Variants in RNF17 observed in about 807,000 individuals in gnomAD.
RNF17 encodes the protein ring finger protein 17.
RNF17 carries 31 observed loss-of-function variants against 200.5 expected under a neutral mutation model. The observed-to-expected ratio is 0.15, with a 90% CI of 0.12 to 0.21. RNF17 has a LOEUF of 0.21. Ranked by LOEUF, RNF17 falls within the 10% of genes least tolerant of loss-of-function variation. The pLI, the probability that RNF17 is intolerant of heterozygous loss-of-function variation, is 1.00. For synonymous variants in RNF17, 606 were observed against 637.8 expected, an observed-to-expected ratio of 0.95 and a Z score of 0.75; for missense variants, 1,628 against 1,905.1, an observed-to-expected ratio of 0.85 and a Z score of 2.71.
intron 22 of RNF17, among the ~76,000 whole-genome samples, chr13:24,848,281 T>G (rs73467253): frequency 0.02 from 3,065 of 150,952 alleles, 104 homozygotes; most frequent in African/African-American, 0.072. Flanking sequence ...AGAAATCCCT[T>G]TTAATAGATT....
At chr13:24,851,391 C>T (rs1891876052) in intron 23 of RNF17, 65 bp from the exon 24 acceptor site, 2 of 1,070,632 alleles carry the variant, frequency 1.9e-6, no homozygotes, top group African/African-American at 1.6e-5. Flanking sequence ...CTGTGAAATG[C>T]ACATTGTTTA....
At chr13:24,850,617 AT>A (rs1278143989) in intron 23 of RNF17, among the ~76,000 whole-genome samples, 174 bp downstream of exon 23, 4 of 152,212 alleles carry the variant, frequency 2.6e-5, no homozygotes, top group Non-Finnish European at 5.9e-5. Flanking sequence ...CTTCAAAAAT[AT>A]TCTTTGCTTT....
chr13:24,776,801 T>C (rs1881632578), intron 3 of RNF17, among the ~76,000 whole-genome samples: 1 of 152,190 alleles, frequency 6.6e-6, no homozygotes, highest in South Asian at 2.1e-4. Context: ...TTAGTATGTA[T>C]TAAGACAAAC....
rs1370911418 is a variant in RNF17 at position 24,805,813 on chromosome 13, T to C, written c.2091+1384T>C. Among the ~76,000 whole-genome samples the C allele has an allele frequency of 3.3e-5, 5 of 152,202 alleles. No homozygotes were observed. In the South Asian group the frequency reaches 8.3e-4, roughly 25 times the overall value. On this transcript the variant is annotated intron_variant, in intron 15 of 35. Coordinates refer to ENST00000255324, the MANE Select transcript of RNF17 (RefSeq NM_031277.3). ...TACAGCAGCTGCAGTTTTACATTCT[T>C]ACCAGCAATCCACAAGGTTCCAATT...
intron 19 of RNF17, among the ~76,000 whole-genome samples, chr13:24,843,239 C>A (rs1890849128): frequency 6.6e-6 from 1 of 152,114 alleles, no homozygotes; most frequent in South Asian, 2.1e-4. Flanking sequence ...TTGAACTGGG[C>A]CGGGCACAGT....
Position 24,800,457 on chromosome 13 carries a change from T to C in RNF17, c.1681T>C (p.Tyr561His). 6.2e-7 allele frequency: 1 copy of C among 1,613,454 alleles called. No individual in the cohort carries two copies. The highest frequency in any genetic ancestry group is 8.5e-7 in the Non-Finnish European group (1 of 1,179,576). The change falls in exon 13 of 36, where the codon TAT (tyrosine) becomes CAT (histidine). Residue 561 changes from tyrosine (Y) to histidine (H), a missense_variant. Physicochemically the swap from Tyr to His is moderately conservative, Grantham distance 83 (BLOSUM62 2). This residue lies in a region of RNF17 where 289 missense variants were observed against 384.9 expected (regional missense o/e 0.75). Coordinates refer to ENST00000255324, the MANE Select transcript of RNF17 (RefSeq NM_031277.3). ...LCLVLRKSEPYTEGLLKDIQP... is the reference protein window; with the variant it reads ...LCLVLRKSEPHTEGLLKDIQP... ...TCTGGTTCTAAGGAAATCTGAACCATATACTGAAGGGCTGCTAAAAGACAT... is the reference window on the plus strand; with the variant it reads ...TCTGGTTCTAAGGAAATCTGAACCACATACTGAAGGGCTGCTAAAAGACAT...
rs960139561 is a variant in RNF17 at position 24,852,239 on chromosome 13, C to T, written c.3320+668C>T. Among the ~76,000 whole-genome samples the T allele has an allele frequency of 1.6e-4, 24 of 151,286 alleles. 1 individual carries two copies. Among genetic ancestry groups the T allele is most frequent in the African/African-American group, 4.9e-5 (2 of 41,150 alleles). On this transcript the variant is annotated intron_variant, in intron 24 of 35. Transcript: ENST00000255324. Reference sequence around the variant, plus strand: ...CTGCAAGCTCCACCTCCCAGGTTCACGCCATTCTCCTGCCTCAGCCTCCTG... The same window carrying T: ...CTGCAAGCTCCACCTCCCAGGTTCATGCCATTCTCCTGCCTCAGCCTCCTG...
intron 33 of RNF17, 87 bp downstream of exon 33, chr13:24,874,336 G>T: frequency 2.6e-6 from 3 of 1,135,576 alleles, no homozygotes; most frequent in Non-Finnish European, 3.6e-6. Flanking sequence ...TCTTTTAAAA[G>T]AAAAGGGTTA....
At chr13:24,842,363 A>G (rs1393291207) in intron 19 of RNF17, among the ~76,000 whole-genome samples, 1 of 152,130 alleles carries the variant, frequency 6.6e-6, no homozygotes, top group African/African-American at 2.4e-5. Context: ...CTCCATTACT[A>G]AGGAACCCAG....
intron 15 of RNF17, among the ~76,000 whole-genome samples, chr13:24,811,028 C>A (rs1229261897): frequency 2.0e-5 from 3 of 152,122 alleles, no homozygotes; most frequent in Admixed American, 6.5e-5. Context: ...GTCTGAGGGG[C>A]TTCCCTTTGA....
chr13:24,884,259 C>CT (rs747756529), downstream of RNF17: 1 of 1,614,124 alleles, frequency 6.2e-7, no homozygotes, highest in Admixed American at 1.7e-5. Context: ...TAAAGACACA[C>CT]AGTCAGTCTG....
At position 24,826,235 on chromosome 13, in the gene RNF17, G is replaced by C. The variant is rs764327844; in HGVS notation, c.2245+463G>C. The C allele has an allele frequency of 2.3e-4, 64 of 272,398 alleles. 1 individual carries two copies. The highest frequency in any genetic ancestry group is 1.3e-4 in the Admixed American group (2 of 15,400). 16.9% of individuals were successfully genotyped at this position (272,398 alleles called of 1,614,324 possible). ...TCTACTTTTTCTACATCCTCCTTAA[G>C]TAATTGATTCAACTTATGAAATAAT... On this transcript the variant is annotated intron_variant, in intron 16 of 35. Coordinates refer to ENST00000255324, the MANE Select transcript of RNF17 (RefSeq NM_031277.3).
At chr13:24,860,042 C>T (rs1348628541) in intron 26 of RNF17, among the ~76,000 whole-genome samples, 1 of 151,878 alleles carries the variant, frequency 6.6e-6, no homozygotes, top group Admixed American at 6.5e-5. Context: ...TATTGAACTA[C>T]AAATTTTTAA....
chr13:24,782,024 GGTAATGGGTAACTTTTAAACAAGTTT>G (rs1418871519), intron 6 of RNF17, 80 bp downstream of exon 6: 6 of 913,846 alleles, frequency 6.6e-6, no homozygotes, highest in Admixed American at 4.4e-5. Context: ...TGTTTAGAAT[GGTAATGGGTAACTTTTAAACAAGTTT>G]GTAATGGGTA....
At chr13:24,758,519 C>G in the RNF17 span, among the ~76,000 whole-genome samples, 1 of 152,118 alleles carries the variant, frequency 6.6e-6, no homozygotes, top group Admixed American at 6.5e-5. Flanking sequence ...AGAAGGAGAT[C>G]AGCTTGTCTC....
At chr13:24,817,201 T>C (rs1160712663) in intron 15 of RNF17, among the ~76,000 whole-genome samples, 1 of 152,160 alleles carries the variant, frequency 6.6e-6, no homozygotes, top group East Asian at 1.9e-4. Flanking sequence ...TAATTCTTCT[T>C]TAAATGTTTG....
intron 18 of RNF17, among the ~76,000 whole-genome samples, chr13:24,835,512 C>A (rs1404452195): frequency 6.6e-6 from 1 of 152,166 alleles, no homozygotes; most frequent in Non-Finnish European, 1.5e-5. Flanking sequence ...GTGCAGACAA[C>A]CCCCAGTACC....
rs79766710 is a variant in RNF17, at chr13:24,846,442, T to A, written c.3101+1363T>A. On this transcript the variant is annotated intron_variant, in intron 22 of 35. Transcript: ENST00000255324. The stretch of plus-strand genomic sequence containing the variant: ...GTTCAGAACAGTTGTTAACTTTTGT[T>A]AAATAAACCCTAGCTGCTATTCACC... 5.3e-3 allele frequency among the ~76,000 whole-genome samples: 810 copies of A among 152,306 alleles called. 21 individuals carry two copies. In the East Asian group the frequency reaches 0.081, roughly 15 times the overall value.
downstream of RNF17, chr13:24,883,974 G>A (rs531015015): frequency 1.2e-6 from 2 of 1,614,080 alleles, no homozygotes; most frequent in Non-Finnish European, 1.7e-6. Flanking sequence ...GTTGTACTCT[G>A]ACAATTGTAC....
Sources: allele counts gnomAD v4.1 joint callset (sites outside exome capture counted in the v4.1 genomes callset), GRCh38; gene constraint gnomAD v4.1.1; regional missense constraint gnomAD v4.1.1; transcripts MANE v1.5; gene names NCBI Gene and HGNC (gene_info 2026-07-23, HGNC 2026-07-21).